GALNT17: variants seen among roughly 807,000 people sequenced by gnomAD.
GALNT17 encodes UDP-GalNAc:polypeptide N-acetylgalactosaminyltransferase-like 3.
GALNT17 carries 29 observed loss-of-function variants against 63.7 expected under a neutral mutation model. The ratio of observed to expected loss-of-function variants is 0.46; its 90% CI spans 0.34 to 0.62. The LOEUF (loss-of-function observed/expected upper bound fraction) is 0.62, where lower values mean the gene tolerates loss of function less well. Ranked by LOEUF, GALNT17 falls within the 20% of genes least tolerant of loss-of-function variation. GALNT17 has a pLI of 0.01. For missense variants in GALNT17, 603 were observed against 799.6 expected, an observed-to-expected ratio of 0.75 and a Z score of 2.97; for synonymous variants, 305 against 318.3, an observed-to-expected ratio of 0.96 and a Z score of 0.45.
chr7:71,336,380 G>A (rs983358017), intron 2 of GALNT17, among the ~76,000 whole-genome samples: 22 of 151,910 alleles, frequency 1.4e-4, no homozygotes, highest in Non-Finnish European at 2.9e-4. Flanking sequence ...TATGTTCAGG[G>A]GAACATGTGT....
intron 5 of GALNT17, among the ~76,000 whole-genome samples, chr7:71,552,634 G>A (rs1172989377): frequency 6.6e-6 from 1 of 151,892 alleles, no homozygotes; most frequent in Non-Finnish European, 1.5e-5. Context: ...TAGAGACAGG[G>A]TTTCACCATG....
intron 9 of GALNT17, among the ~76,000 whole-genome samples, chr7:71,700,369 T>G (rs1791614154): frequency 6.6e-6 from 1 of 152,166 alleles, no homozygotes; most frequent in Non-Finnish European, 1.5e-5. Flanking sequence ...ATCTGTCTTC[T>G]TCTAACCTTC....
At chr7:71,608,946 A>ATTTT (rs766905822) in intron 6 of GALNT17, among the ~76,000 whole-genome samples, 45 of 140,628 alleles carry the variant, frequency 3.2e-4, no homozygotes, top group African/African-American at 9.3e-4. Flanking sequence ...CTCCCAGCTA[A>ATTTT]TTTTTTTTTT....
At chr7:71,242,170 C>T (rs375925830) in intron 1 of GALNT17, among the ~76,000 whole-genome samples, 1 of 151,546 alleles carries the variant, frequency 6.6e-6, no homozygotes. Flanking sequence ...GGCACCAAGC[C>T]ATTCATGAGG....
At chr7:71,151,144 A>G (rs1788125687) in intron 1 of GALNT17, among the ~76,000 whole-genome samples, 3 of 152,132 alleles carry the variant, frequency 2.0e-5, no homozygotes, top group Admixed American at 2.0e-4. Flanking sequence ...TTTATGGACT[A>G]ATTCAGTTAG....
chr7:71,169,091 C>T (rs1041577551), intron 1 of GALNT17, among the ~76,000 whole-genome samples: 5 of 152,132 alleles, frequency 3.3e-5, no homozygotes, highest in African/African-American at 1.2e-4. Context: ...GATCAGTATC[C>T]AGCTCACTGA....
intron 1 of GALNT17, among the ~76,000 whole-genome samples, chr7:71,281,522 A>T (rs1328075716): frequency 6.6e-6 from 1 of 152,180 alleles, no homozygotes; most frequent in African/African-American, 2.4e-5. Flanking sequence ...ATGTGCTATG[A>T]TGTCCCAGAG....
At chr7:71,474,759 C>T (rs1338508781) in intron 5 of GALNT17, among the ~76,000 whole-genome samples, 2 of 152,130 alleles carry the variant, frequency 1.3e-5, no homozygotes, top group African/African-American at 4.8e-5. Flanking sequence ...ACCCAAGATA[C>T]CCACATTCCA....
At chr7:71,467,289 A>T (rs1052201082) in intron 5 of GALNT17, among the ~76,000 whole-genome samples, 4 of 152,196 alleles carry the variant, frequency 2.6e-5, no homozygotes, top group African/African-American at 9.6e-5. Context: ...AAGTGAGGCC[A>T]GGCCACATGT....
chr7:71,210,207 A>C (rs1789350565), intron 1 of GALNT17, among the ~76,000 whole-genome samples: 1 of 152,094 alleles, frequency 6.6e-6, no homozygotes, highest in African/African-American at 2.4e-5. Context: ...ATTCACTATC[A>C]CAAGAATAGC....
chr7:71,658,149 C>A (rs1790857195), intron 6 of GALNT17, among the ~76,000 whole-genome samples: 1 of 152,184 alleles, frequency 6.6e-6, no homozygotes, highest in South Asian at 2.1e-4. Context: ...TCAAGGAATC[C>A]TGCTGCCTCA....
In GALNT17 at chr7:71,551,861, T is replaced by G. The variant is rs571235875; in HGVS notation, c.963-19424T>G. 3.9e-5 allele frequency among the ~76,000 whole-genome samples: 6 copies of G among 152,118 alleles called. No homozygotes were observed. In the Middle Eastern group the frequency reaches 0.01, roughly 259 times the overall value. On this transcript the variant is annotated intron_variant, in intron 5 of 10. Coordinates refer to ENST00000333538, the MANE Select transcript of GALNT17 (RefSeq NM_022479.3). ...TGTTACCTGCCTCTAGTGAGAATTT[T>G]TGTTTACTTCTGCCAAGAGCACAGG...
chr7:71,246,807 C>A (rs534618718), intron 1 of GALNT17, among the ~76,000 whole-genome samples: 1 of 149,138 alleles, frequency 6.7e-6, no homozygotes, highest in Non-Finnish European at 1.5e-5. Flanking sequence ...CCAGCCTGGG[C>A]GACAGAGCGA....
chr7:71,267,065 G>A (rs1239849161), intron 1 of GALNT17, among the ~76,000 whole-genome samples: 1 of 152,204 alleles, frequency 6.6e-6, no homozygotes, highest in Non-Finnish European at 1.5e-5. Flanking sequence ...TCCCTGACAT[G>A]CAAAAGCCCA....
intron 2 of GALNT17, among the ~76,000 whole-genome samples, chr7:71,337,580 G>A (rs1234703837): frequency 2.6e-5 from 4 of 152,092 alleles, no homozygotes; most frequent in Admixed American, 6.6e-5. Flanking sequence ...TTTAAAAAGC[G>A]TGAGGCTGGC....
chr7:71,567,492 T>G (rs1276258211), intron 5 of GALNT17, among the ~76,000 whole-genome samples: 1 of 152,142 alleles, frequency 6.6e-6, no homozygotes, highest in African/African-American at 2.4e-5. Context: ...TGAGACGGAG[T>G]CTCGCTCTGT....
intron 5 of GALNT17, among the ~76,000 whole-genome samples, chr7:71,530,055 T>C (rs778615038): frequency 2.0e-5 from 3 of 152,124 alleles, no homozygotes; most frequent in Non-Finnish European, 2.9e-5. Flanking sequence ...GAACACATAA[T>C]TAGTTAGTTG....
intron 1 of GALNT17, among the ~76,000 whole-genome samples, chr7:71,288,260 T>C (rs1442361517): frequency 6.8e-6 from 1 of 146,446 alleles, no homozygotes; most frequent in Non-Finnish European, 1.5e-5. Flanking sequence ...AGAAAATCCA[T>C]GTGCTGTTCA....
At chr7:71,479,991 G>A (rs1022183981) in intron 5 of GALNT17, among the ~76,000 whole-genome samples, 8 of 152,066 alleles carry the variant, frequency 5.3e-5, no homozygotes, top group South Asian at 2.1e-4. Flanking sequence ...TCTCAACAGA[G>A]CAGCTCTATC....
Sources: gnomAD v4.1 joint callset for allele counts (sites outside exome capture counted in the v4.1 genomes callset) on GRCh38, gnomAD v4.1.1 for gene constraint, MANE v1.5 for transcripts, NCBI Gene and HGNC (gene_info 2026-07-23, HGNC 2026-07-21) for gene names.